LRP1: variants seen among roughly 807,000 people sequenced by gnomAD.
The protein encoded by LRP1 is LDL receptor related protein 1.
LRP1 carries 51 observed loss-of-function variants against 541.5 expected under a neutral mutation model. The ratio of observed to expected loss-of-function variants is 0.09; its 90% CI spans 0.08 to 0.12. LRP1 has a LOEUF of 0.12. Among genes scored for constraint, LRP1 ranks in the 10% least tolerant of loss-of-function variants. The probability of loss-of-function intolerance (pLI) is 1.00; values close to 1 mark genes in which losing one functional copy is unlikely to be tolerated. For missense variants in LRP1, 3,878 were observed against 6,376.2 expected (o/e 0.61, Z 13.34); for synonymous variants, 2,219 against 2,470.8 (o/e 0.90, Z 3.02).
chr12:57,208,287 C>T, intron 77 of LRP1, 71 bp downstream of exon 77: 2 of 1,494,670 alleles, frequency 1.3e-6, no homozygotes, highest in Non-Finnish European at 1.8e-6. Flanking sequence ...TTGGGGGCTG[C>T]ACCCACATGC....
chr12:57,173,676 G>A lies in LRP1; in HGVS notation c.3347-104G>A, dbSNP rs762245555. On this transcript the variant is annotated intron_variant, in intron 21 of 88. Coordinates refer to ENST00000243077, the MANE Select transcript of LRP1 (RefSeq NM_002332.3). This position sits in a 1 kb window ranked among gnomAD's most constrained non-coding sequence, Gnocchi z 4.7. Reference sequence around the variant, plus strand: ...CGGGGTTCCTCGTGGACCCCACAGCGTTGCAATCCTGACCCTATTAGAGAA... The same window carrying A: ...CGGGGTTCCTCGTGGACCCCACAGCATTGCAATCCTGACCCTATTAGAGAA... 2.7e-5 allele frequency: 33 copies of A among 1,238,942 alleles called. No homozygotes were observed. The highest frequency in any genetic ancestry group is 7.0e-5 in the East Asian group (3 of 42,826). The allele number at this position is 1,238,942 out of a possible 1,614,324, so 76.7% of individuals were successfully genotyped here. A position where few individuals can be genotyped will look rare whatever the true frequency, so the allele number is the denominator to read the frequency against.
chr12:57,190,390 G>T (rs2036354081), intron 42 of LRP1, among the ~76,000 whole-genome samples: 1 of 152,232 alleles, frequency 6.6e-6, no homozygotes, highest in South Asian at 2.1e-4. Flanking sequence ...CTGCGAGGCA[G>T]GTGGTGCTAC....
In LRP1 at chr12:57,192,906, C is replaced by T. The variant is rs769914830; in HGVS notation, c.7491C>T (p.His2497=). ...GGCQDLCLLT[H]QGHVNCSCRG... is the part of the protein sequence containing the mutation. ...GCCAGGACCTGTGTCTGCTCACTCA[C>T]CAGGGCCATGTCAACTGCTCATGCC... The change falls in exon 45 of 89, where the codon CAC becomes CAT. Residue 2497 remains histidine (H), a synonymous_variant. Transcript: ENST00000243077. The T allele has an allele frequency of 1.9e-6, 3 of 1,614,102 alleles. No individual in the cohort carries two copies. The highest frequency in any genetic ancestry group is 2.2e-5 in the East Asian group (1 of 44,880).
In LRP1 at chr12:57,154,672, G is replaced by T. The variant is rs1368755838; in HGVS notation, c.1198G>T (p.Gly400Cys). The change falls in exon 8 of 89, where the codon GGC becomes TGC. Residue 400 changes from glycine (G) to cysteine (C), a missense_variant. This residue lies in a region of LRP1 where 496 missense variants were observed against 861.0 expected (regional missense o/e 0.58). Coordinates refer to ENST00000243077, the MANE Select transcript of LRP1 (RefSeq NM_002332.3). The surrounding 1 kb of genome is among the most constrained non-coding windows in gnomAD (Gnocchi z 4.6). ...TGAAGTGGTGGACTATGAGGGCAAG[G>T]GCCGCCAGACCATCATCCAGGGCAT... ...YIEVVDYEGK[G>C]RQTIIQGILI... is the part of the protein sequence containing the mutation. 1 of 1,571,220 alleles carries T rather than the reference G, an allele frequency of 6.4e-7. No homozygotes were observed. Among genetic ancestry groups the T allele is most frequent in the South Asian group, 1.2e-5 (1 of 85,894 alleles).
Position 57,151,568 on chromosome 12 carries a change from C to T in LRP1, c.842-2640C>T, listed in dbSNP as rs866654306. On this transcript the variant is annotated intron_variant, in intron 6 of 88. Transcript: ENST00000243077. Reference sequence around the variant, plus strand: ...CTTAGAAGGCTGGGCGACAAGGGGACGGCTCCCCTCAGGGTTGGTGGAGCC... The same window carrying T: ...CTTAGAAGGCTGGGCGACAAGGGGATGGCTCCCCTCAGGGTTGGTGGAGCC... Among the ~76,000 whole-genome samples the T allele has an allele frequency of 7.2e-5, 11 of 152,256 alleles. 1 individual carries two copies. Among genetic ancestry groups the T allele is most frequent in the South Asian group, 2.1e-4 (1 of 4,832 alleles).
At chr12:57,146,262 C>T (rs1297284378) in intron 6 of LRP1, among the ~76,000 whole-genome samples, 2 of 152,172 alleles carry the variant, frequency 1.3e-5, no homozygotes, top group Non-Finnish European at 2.9e-5. Context: ...CAAAGAAATG[C>T]ACCACAGGGC....
At chr12:57,191,254 T>C (rs1355858039) in intron 43 of LRP1, 66 bp from the exon 44 acceptor site, 1 of 1,461,818 alleles carries the variant, frequency 6.8e-7, no homozygotes, top group Non-Finnish European at 9.3e-7. Flanking sequence ...GGCCAGGCTG[T>C]GGTCCGGTGG....
At chr12:57,194,916 T>C in intron 50 of LRP1, 69 bp from the exon 51 acceptor site, 1 of 1,336,700 alleles carries the variant, frequency 7.5e-7, no homozygotes, top group Non-Finnish European at 1.1e-6. Flanking sequence ...GTCCTTCCCA[T>C]GGCATCAGCC....
In LRP1 at chr12:57,192,983, G is replaced by T. The variant is rs530426716; in HGVS notation, c.7555+13G>T. On this transcript the variant is annotated intron_variant, in intron 45 of 88. Transcript: ENST00000243077. Reference sequence around the variant, plus strand: ...CTCACCTGCCGAGGTGAGAGAGGCGGGGGGGAGGGGCTGGCGGGGAACCCA... The same window carrying T: ...CTCACCTGCCGAGGTGAGAGAGGCGTGGGGGAGGGGCTGGCGGGGAACCCA... 1 of 1,610,170 alleles carries T rather than the reference G, an allele frequency of 6.2e-7. No homozygotes were observed. The highest frequency in any genetic ancestry group is 1.1e-5 in the South Asian group (1 of 91,054).
rs35796552 is a variant in LRP1, at chr12:57,155,329, C to T, written c.1227+628C>T. 1.2e-3 allele frequency: 196 copies of T among 163,690 alleles called. 1 individual carries two copies. Among genetic ancestry groups the T allele is most frequent in the Non-Finnish European group, 2.2e-3 (162 of 74,564 alleles). The allele number at this position is 163,690 out of a possible 1,614,324, so 10.1% of individuals were successfully genotyped here. ...AGCCCTCATAACAGACTAAGAATGT[C>T]CTCTGTGGACAGAGTTTAGAGCCCA... On this transcript the variant is annotated intron_variant, in intron 8 of 88. Transcript: ENST00000243077.
intron 18 of LRP1, 77 bp from the exon 19 acceptor site, chr12:57,167,367 C>T (rs1314120102): frequency 1.4e-5 from 15 of 1,076,778 alleles, no homozygotes; most frequent in East Asian, 2.4e-5. Flanking sequence ...ATGGGAGGGC[C>T]GCTGCACTCA....
chr12:57,183,247 T>C lies in LRP1; in HGVS notation c.5663-132T>C. On this transcript the variant is annotated intron_variant, in intron 34 of 88. Transcript: ENST00000243077. The surrounding 1 kb of genome is among the most constrained non-coding windows in gnomAD (Gnocchi z 6.1). The stretch of plus-strand genomic sequence containing the variant: ...TGGCCTCAGGCTAGGGTGTGTGTGC[T>C]GGGTGGAGGATAGGGATGATGGTGG... 1 of 1,031,996 alleles carries C rather than the reference T, an allele frequency of 9.7e-7. No homozygotes were observed. The highest frequency in any genetic ancestry group is 1.4e-6 in the Non-Finnish European group (1 of 704,708). 63.9% of individuals were successfully genotyped at this position (1,031,996 alleles called of 1,614,324 possible).
intron 1 of LRP1, among the ~76,000 whole-genome samples, chr12:57,137,802 A>C (rs1288782763): frequency 6.6e-6 from 1 of 151,888 alleles, no homozygotes; most frequent in Non-Finnish European, 1.5e-5. Flanking sequence ...TCTCAAAAAA[A>C]AAAAAAATAG....
chr12:57,184,484 G>T lies in LRP1; in HGVS notation c.6186+32G>T. ...ACGCCAACTTGGCCTTGGATCCGAT[G>T]GTAGACCCCTGACCCAGGCTCCTGT... On this transcript the variant is annotated intron_variant, in intron 38 of 88. Coordinates refer to ENST00000243077, the MANE Select transcript of LRP1 (RefSeq NM_002332.3). This position sits in a 1 kb window ranked among gnomAD's most constrained non-coding sequence, Gnocchi z 7.8. The T allele has an allele frequency of 6.2e-7, 1 of 1,613,542 alleles. No homozygotes were observed. The highest frequency in any genetic ancestry group is 8.5e-7 in the Non-Finnish European group (1 of 1,179,810).
Position 57,206,069 on chromosome 12 carries a change from A to AC in LRP1, c.11590+397dup, listed in dbSNP as rs751468052. The stretch of plus-strand genomic sequence containing the variant: ...ATTCACACACACCCCTGGCACACAC[A>AC]CCCCCACCATGCACTCCCATGCACA... On this transcript the variant is annotated intron_variant, in intron 75 of 88. Transcript: ENST00000243077. This position sits in a 1 kb window ranked among gnomAD's most constrained non-coding sequence, Gnocchi z 4.7. 6.6e-5 allele frequency among the ~76,000 whole-genome samples: 10 copies of AC among 150,948 alleles called. No homozygotes were observed. The highest frequency in any genetic ancestry group is 1.3e-4 in the Admixed American group (2 of 15,148).
Position 57,186,979 on chromosome 12 carries a change from C to T in LRP1, c.6842-288C>T, listed in dbSNP as rs2036282483. 3.3e-5 allele frequency among the ~76,000 whole-genome samples: 5 copies of T among 152,358 alleles called. No homozygotes were observed. In the South Asian group the frequency reaches 1.0e-3, roughly 32 times the overall value. On this transcript the variant is annotated intron_variant, in intron 41 of 88. Transcript: ENST00000243077. ...GAAATCTACATTGCACTCAGCTCAG[C>T]AGAACTGCAGCTCCAGGAAAGTGCA...
rs2035754652 is a variant in LRP1, at chr12:57,162,417, T to G, written c.2303T>G (p.Leu768Trp). The change falls in exon 14 of 89, where the codon TTG (leucine) becomes TGG (tryptophan). Residue 768 changes from leucine (L) to tryptophan (W), a missense_variant. By Grantham distance (61) the Leu-to-Trp change is moderately conservative (BLOSUM62 -2). Coordinates refer to ENST00000243077, the MANE Select transcript of LRP1 (RefSeq NM_002332.3). This position sits in a 1 kb window ranked among gnomAD's most constrained non-coding sequence, Gnocchi z 5.2. ...TATCGGAGTGGCAGTGTCTACCGCTTGGAACGGGGTGTAGGAGGCGCACCC... is the reference window on the plus strand; with the variant it reads ...TATCGGAGTGGCAGTGTCTACCGCTGGGAACGGGGTGTAGGAGGCGCACCC... ...TEYRSGSVYR[L>W]ERGVGGAPPT... The G allele has an allele frequency of 6.2e-7, 1 of 1,614,034 alleles. No individual in the cohort carries two copies.
intron 6 of LRP1, among the ~76,000 whole-genome samples, chr12:57,147,880 T>C (rs896276224): frequency 1.3e-5 from 2 of 152,312 alleles, no homozygotes; most frequent in East Asian, 3.9e-4. Context: ...GCCCCAGGGC[T>C]GCTGACCCTC....
chr12:57,134,956 C>T (rs577656909), intron 1 of LRP1, among the ~76,000 whole-genome samples: 26 of 152,316 alleles, frequency 1.7e-4, no homozygotes, highest in African/African-American at 3.6e-4. Context: ...CTGCCTGCTT[C>T]GGCCTCCCAA....
Sources: allele counts gnomAD v4.1 joint callset (sites outside exome capture counted in the v4.1 genomes callset), GRCh38; gene constraint gnomAD v4.1.1; regional missense constraint gnomAD v4.1.1; non-coding constraint Gnocchi (gnomAD v3.1); transcripts MANE v1.5; gene names NCBI Gene and HGNC (gene_info 2026-07-23, HGNC 2026-07-21).